CEP85: variants seen among roughly 807,000 people sequenced by gnomAD.
CEP85 encodes centrosomal protein 85.
Under a neutral mutation model 93.7 loss-of-function variants are expected in CEP85, and 58 were observed. That is an observed-to-expected ratio of 0.62 (90% CI 0.50 to 0.77). The LOEUF (loss-of-function observed/expected upper bound fraction) is 0.77, where lower values mean the gene tolerates loss of function less well. Ranked by LOEUF, CEP85 falls within the 30% of genes least tolerant of loss-of-function variation. CEP85 has a pLI of 0.00. For synonymous variants in CEP85, 314 were observed against 338.6 expected (o/e 0.93, Z 0.80); for missense variants, 868 against 922.0 (o/e 0.94, Z 0.76).
At position 26,277,463 on chromosome 1, in the gene CEP85, C is replaced by T; in HGVS notation, c.*170C>T. 1.7e-6 allele frequency: 1 copy of T among 596,102 alleles called. No individual in the cohort carries two copies. Among genetic ancestry groups the T allele is most frequent in the East Asian group, 2.8e-5 (1 of 35,494 alleles). The allele number at this position is 596,102 out of a possible 1,614,324, so 36.9% of individuals were successfully genotyped here. On this transcript the variant is annotated 3_prime_UTR_variant, in exon 14 of 14. Transcript: ENST00000451429. Reference sequence around the variant, plus strand: ...ATTAGGGAACTGTGTCCTACCCACACTGGCATGTTGGATTACGTTTGTCCT... The same window carrying T: ...ATTAGGGAACTGTGTCCTACCCACATTGGCATGTTGGATTACGTTTGTCCT...
intron 7 of CEP85, among the ~76,000 whole-genome samples, chr1:26,264,410 G>A (rs1435995239): frequency 6.6e-6 from 1 of 152,190 alleles, no homozygotes; most frequent in Non-Finnish European, 1.5e-5. Context: ...GTGGGTGCCT[G>A]TAATCCCAGC....
chr1:26,273,812 G>GC (rs1302835389), intron 11 of CEP85, among the ~76,000 whole-genome samples: 2 of 152,022 alleles, frequency 1.3e-5, no homozygotes, highest in Non-Finnish European at 2.9e-5. Context: ...CAGGAGAATT[G>GC]TTTGAACCTG....
chr1:26,274,869 A>T lies in CEP85; in HGVS notation c.1795-95A>T, dbSNP rs1570051140. 18 of 877,440 alleles carry T rather than the reference A, an allele frequency of 2.1e-5. No homozygotes were observed. The South Asian group carries it at 2.6e-4, about 13-fold the overall frequency. The allele number at this position is 877,440 out of a possible 1,614,324, so 54.4% of individuals were successfully genotyped here. Reference sequence around the variant, plus strand: ...TTCTTATGAGGGTGTAGGTAGGGTGAGTCGTCACTATATAGTCCAAGCCAG... The same window carrying T: ...TTCTTATGAGGGTGTAGGTAGGGTGTGTCGTCACTATATAGTCCAAGCCAG... On this transcript the variant is annotated intron_variant, in intron 11 of 13. Transcript: ENST00000451429.
intron 7 of CEP85, among the ~76,000 whole-genome samples, chr1:26,265,388 G>A (rs1272458199): frequency 2.0e-5 from 3 of 151,972 alleles, no homozygotes; most frequent in African/African-American, 7.3e-5. Flanking sequence ...CAAAGTACTG[G>A]GATTACAGGT....
intron 7 of CEP85, among the ~76,000 whole-genome samples, chr1:26,261,825 A>G (rs532611445): frequency 1.7e-4 from 26 of 152,132 alleles, no homozygotes; most frequent in Non-Finnish European, 3.1e-4. Flanking sequence ...TTATTTCTGC[A>G]TGGTTATACA....
At chr1:26,243,098 G>T (rs1193263732) in intron 2 of CEP85, among the ~76,000 whole-genome samples, 1 of 150,722 alleles carries the variant, frequency 6.6e-6, no homozygotes, top group Non-Finnish European at 1.5e-5. Context: ...ACCTATTGAG[G>T]GTACCCTGGT....
Position 26,255,209 on chromosome 1 carries a change from A to T in CEP85, c.247A>T (p.Ile83Phe). Residue 83 changes from isoleucine to phenylalanine, a missense_variant, in exon 4 of 14, where the codon ATC becomes TTC. By Grantham distance (21) the Ile-to-Phe change is conservative. Coordinates refer to ENST00000451429, the MANE Select transcript of CEP85 (RefSeq NM_001319944.2). ...AAGTGGCAGTCCTCCTTTCCAGCCC[A>T]TCAAAAGCCACGTAACCATTCCAAC... ...SSSGSPPFQP[I>F]KSHVTIPTAH... 2 of 1,614,116 alleles carry T rather than the reference A, an allele frequency of 1.2e-6. No homozygotes were observed. The highest frequency in any genetic ancestry group is 1.7e-6 in the Non-Finnish European group (2 of 1,179,998).
intron 3 of CEP85, among the ~76,000 whole-genome samples, chr1:26,248,505 C>T (rs931120457): frequency 6.6e-6 from 1 of 151,976 alleles, no homozygotes; most frequent in Non-Finnish European, 1.5e-5. Flanking sequence ...TTTACTTCTT[C>T]TTATTTTTTC....
Position 26,255,489 on chromosome 1 carries a change from C to T in CEP85, c.527C>T (p.Ala176Val), listed in dbSNP as rs756429210. 66 of 1,613,916 alleles carry T rather than the reference C, an allele frequency of 4.1e-5. No individual in the cohort carries two copies. The highest frequency in any genetic ancestry group is 8.0e-5 in the African/African-American group (6 of 74,862). ...PAVGHERQEE[A>V]RKFDIPSMES... The stretch of plus-strand genomic sequence containing the variant: ...GTGGGCCATGAAAGACAAGAAGAGG[C>T]GAGGAAGTTTGATATTCCTAGCATG... Residue 176 changes from alanine to valine, a missense_variant, in exon 4 of 14, where the codon GCG becomes GTG. Transcript: ENST00000451429.
At chr1:26,239,612 A>G (rs764263485) in intron 1 of CEP85, 150 bp from the exon 2 acceptor site, 6 of 513,546 alleles carry the variant, frequency 1.2e-5, no homozygotes, top group Non-Finnish European at 2.1e-5. Flanking sequence ...TTGGCCTCCC[A>G]AAGTGCTGGG....
At chr1:26,266,184 G>A (rs1049035984) in intron 7 of CEP85, among the ~76,000 whole-genome samples, 1 of 151,622 alleles carries the variant, frequency 6.6e-6, no homozygotes, top group African/African-American at 2.4e-5. Flanking sequence ...ACTCCAGCCT[G>A]GGCAACAAGA....
intron 7 of CEP85, among the ~76,000 whole-genome samples, chr1:26,262,513 G>T (rs1244779838): frequency 6.6e-6 from 1 of 151,886 alleles, no homozygotes; most frequent in Non-Finnish European, 1.5e-5. Flanking sequence ...AAAAAGGCGG[G>T]GGGCGGGGGA....
rs1335581121 is a variant in CEP85 at position 26,274,935 on chromosome 1, T to A, written c.1795-29T>A. ...AACCAGACTTGTTACCCCTACTGTG[T>A]TCCCTCAACATCTTGCTGTGTGATT... On this transcript the variant is annotated intron_variant, in intron 11 of 13. Transcript: ENST00000451429. The A allele has an allele frequency of 4.6e-6, 7 of 1,532,898 alleles. No homozygotes were observed. The South Asian group carries it at 6.0e-5, about 13-fold the overall frequency. The allele number at this position is 1,532,898 out of a possible 1,614,324, so 95.0% of individuals were successfully genotyped here. A position where few individuals can be genotyped will look rare whatever the true frequency, so the allele number is the denominator to read the frequency against.
chr1:26,240,525 A>G (rs1442055915), intron 2 of CEP85, among the ~76,000 whole-genome samples: 1 of 152,208 alleles, frequency 6.6e-6, no homozygotes, highest in African/African-American at 2.4e-5. Flanking sequence ...TTGGGGAATA[A>G]GAAGAAAAAC....
intron 11 of CEP85, among the ~76,000 whole-genome samples, chr1:26,273,518 AACCCTTGGGGTTCT>A (rs2090008324): frequency 6.6e-6 from 1 of 152,218 alleles, no homozygotes; most frequent in African/African-American, 2.4e-5. Flanking sequence ...GGTTTCCTAG[AACCCTTGGGGTTCT>A]GCAAAGTTTG....
At position 26,274,023 on chromosome 1, in the gene CEP85, G is replaced by GT. The variant is rs61475455; in HGVS notation, c.1795-930dup. ...TGATCATGAGGTGTTTTCCTTAGCA[G>GT]TTTTTTTTTTTATTAATACCAAATG... On this transcript the variant is annotated intron_variant, in intron 11 of 13. Coordinates refer to ENST00000451429, the MANE Select transcript of CEP85 (RefSeq NM_001319944.2). Among the ~76,000 whole-genome samples, 32 of 148,666 alleles carry GT rather than the reference G, an allele frequency of 2.2e-4. No individual in the cohort carries two copies. The East Asian group carries it at 4.5e-3, about 21-fold the overall frequency.
chr1:26,268,335 G>A (rs1370506550), intron 7 of CEP85, 148 bp from the exon 8 acceptor site: 2 of 762,684 alleles, frequency 2.6e-6, no homozygotes, highest in Non-Finnish European at 2.2e-6. Flanking sequence ...GTGTGTGCCT[G>A]CAGTCCCAGC....
chr1:26,254,033 C>G (rs1420503167), intron 3 of CEP85, among the ~76,000 whole-genome samples: 1 of 151,944 alleles, frequency 6.6e-6, no homozygotes, highest in Non-Finnish European at 1.5e-5. Flanking sequence ...CGTAGCTGAT[C>G]TATACTTACA....
chr1:26,254,279 G>A (rs1427983078), intron 3 of CEP85, among the ~76,000 whole-genome samples: 2 of 152,238 alleles, frequency 1.3e-5, no homozygotes, highest in East Asian at 1.9e-4. Flanking sequence ...CTCCCTTATT[G>A]TTTGCTTGCA....
Sources: gnomAD v4.1 joint callset for allele counts (sites outside exome capture counted in the v4.1 genomes callset) on GRCh38, gnomAD v4.1.1 for gene constraint, MANE v1.5 for transcripts, NCBI Gene and HGNC (gene_info 2026-07-23, HGNC 2026-07-21) for gene names.